The following FMN2 variants were observed in gnomAD, a reference collection of about 807,000 sequenced individuals.
FMN2 encodes formin-2.
A neutral mutation model predicts 142.3 loss-of-function variants in FMN2; 51 were observed. The ratio of observed to expected loss-of-function variants is 0.36; its 90% CI spans 0.29 to 0.45. The LOEUF (loss-of-function observed/expected upper bound fraction) is 0.45. Ranked by LOEUF, FMN2 falls within the 20% of genes least tolerant of loss-of-function variation. The probability of loss-of-function intolerance (pLI) is 1.00; values close to 1 mark genes in which losing one functional copy is unlikely to be tolerated. For synonymous variants in FMN2, 882 were observed against 869.8 expected (o/e 1.01, Z -0.25); for missense variants, 1,936 against 2,122.8 (o/e 0.91, Z 1.73).
intron 13 of FMN2, among the ~76,000 whole-genome samples, chr1:240,344,220 G>A (rs866046367): frequency 1.3e-5 from 2 of 152,186 alleles, no homozygotes; most frequent in Non-Finnish European, 2.9e-5. Flanking sequence ...GCTGGGAAGA[G>A]CTAAACAAAT....
chr1:240,149,916 C>T (rs1232072006), intron 2 of FMN2, among the ~76,000 whole-genome samples: 35 of 150,920 alleles, frequency 2.3e-4, no homozygotes. Flanking sequence ...GTTTTTTTTC[C>T]CCTGAGTACA....
At chr1:240,182,278 CTTGATCAT>C (rs1558342671) in intron 3 of FMN2, among the ~76,000 whole-genome samples, 1 of 152,098 alleles carries the variant, frequency 6.6e-6, no homozygotes, top group Non-Finnish European at 1.5e-5. Context: ...TGAATAGGGA[CTTGATCAT>C]TGTCGTTTCC....
rs758453264 is a variant in FMN2, at chr1:240,475,168, G to T, written c.*1014G>T. The T allele has an allele frequency of 3.3e-5, 5 of 152,412 alleles. No individual in the cohort carries two copies. Among genetic ancestry groups the T allele is most frequent in the Non-Finnish European group, 7.4e-5 (5 of 67,996 alleles). The allele number at this position is 152,412 out of a possible 1,614,324, so 9.4% of individuals were successfully genotyped here. On this transcript the variant is annotated 3_prime_UTR_variant, in exon 18 of 18. Transcript: ENST00000319653. ...TATGAAAATAAAATGAATAATAAAAGAATAAAGATACTTGCAAAAGACAGC... is the reference window on the plus strand; with the variant it reads ...TATGAAAATAAAATGAATAATAAAATAATAAAGATACTTGCAAAAGACAGC...
At chr1:240,415,112 A>C (rs1428639306) in intron 15 of FMN2, among the ~76,000 whole-genome samples, 1 of 152,194 alleles carries the variant, frequency 6.6e-6, no homozygotes, top group Non-Finnish European at 1.5e-5. Context: ...AAATATGTTG[A>C]ATAGCAAAGT....
chr1:240,143,453 C>T lies in FMN2; in HGVS notation c.1782+20108C>T, dbSNP rs149009200. ...ACTCCCTGATGTGCTCCCATGTCAG[C>T]AGGGGTTTCCTTTTTGTCCTTGTCC... is the stretch of plus-strand genomic sequence containing the variant. On this transcript the variant is annotated intron_variant, in intron 2 of 17. Transcript: ENST00000319653. 1.3e-3 allele frequency: 1,959 copies of T among 1,485,498 alleles called. 34 individuals are homozygous for T. The African/African-American group carries it at 0.024, about 18-fold the overall frequency. 92.0% of individuals were successfully genotyped at this position (1,485,498 alleles called of 1,614,324 possible). A position where few individuals can be genotyped will look rare whatever the true frequency, so the allele number is the denominator to read the frequency against.
intron 7 of FMN2, among the ~76,000 whole-genome samples, chr1:240,259,153 C>T (rs1240430720): frequency 6.6e-6 from 1 of 152,198 alleles, no homozygotes. Context: ...CCAAGGCTGG[C>T]GCCAGGCAGT....
At position 240,474,183 on chromosome 1, in the gene FMN2, A is replaced by G; in HGVS notation, c.*29A>G. The stretch of plus-strand genomic sequence containing the variant: ...ATGAAAAGCAGAATGAAAATGAGTC[A>G]TTGCAACGACTTTCACAAAATTCAG... On this transcript the variant is annotated 3_prime_UTR_variant, in exon 18 of 18. Coordinates refer to ENST00000319653, the MANE Select transcript of FMN2 (RefSeq NM_020066.5). 5 of 1,537,544 alleles carry G rather than the reference A, an allele frequency of 3.3e-6. No individual in the cohort carries two copies. Among genetic ancestry groups the G allele is most frequent in the Middle Eastern group, 1.7e-4 (1 of 5,838 alleles).
intron 2 of FMN2, chr1:240,143,073 C>T: frequency 1.9e-5 from 28 of 1,513,094 alleles, no homozygotes; most frequent in Non-Finnish European, 2.5e-5. Context: ...GGTAAGTGTA[C>T]CCTTCCCTAA....
At chr1:240,152,414 C>T (rs969064227) in intron 2 of FMN2, among the ~76,000 whole-genome samples, 2 of 152,130 alleles carry the variant, frequency 1.3e-5, no homozygotes, top group African/African-American at 4.8e-5. Context: ...ACTCTAATTC[C>T]TTCCTTTGGA....
intron 2 of FMN2, among the ~76,000 whole-genome samples, chr1:240,128,540 C>CATGTTTGT (rs1662603504): frequency 1.3e-5 from 2 of 152,132 alleles, no homozygotes; most frequent in Admixed American, 1.3e-4. Flanking sequence ...GGTTGCTGGA[C>CATGTTTGT]TTGTTTGGGT....
chr1:240,384,362 C>T (rs893511890), intron 14 of FMN2, among the ~76,000 whole-genome samples: 2 of 152,042 alleles, frequency 1.3e-5, no homozygotes, highest in African/African-American at 4.8e-5. Context: ...CACAGTTCAG[C>T]CTCTTTTGCT....
At chr1:240,113,244 C>T (rs948526832) in intron 1 of FMN2, among the ~76,000 whole-genome samples, 1 of 151,960 alleles carries the variant, frequency 6.6e-6, no homozygotes, top group Non-Finnish European at 1.5e-5. Context: ...GTTCCTGGCC[C>T]CAGCCAGCCA....
At position 240,299,566 on chromosome 1, in the gene FMN2, T is replaced by G. The variant is rs186991231; in HGVS notation, c.4215+4683T>G. Among the ~76,000 whole-genome samples, 259 of 152,314 alleles carry G rather than the reference T, an allele frequency of 1.7e-3. 1 individual carries two copies. Among genetic ancestry groups the G allele is most frequent in the Non-Finnish European group, 2.8e-3 (191 of 68,032 alleles). On this transcript the variant is annotated intron_variant, in intron 8 of 17. Coordinates refer to ENST00000319653, the MANE Select transcript of FMN2 (RefSeq NM_020066.5). ...AATAATCTGATCCCGTTATGTGTAA[T>G]TTTTCAAACAATGGTTTAAATTCAA...
At chr1:240,370,516 T>TG (rs1472199927) in intron 14 of FMN2, among the ~76,000 whole-genome samples, 1 of 152,202 alleles carries the variant, frequency 6.6e-6, no homozygotes, top group Non-Finnish European at 1.5e-5. Flanking sequence ...AATTCACATT[T>TG]GGTACTGTAC....
At chr1:240,222,245 G>T (rs1026932790) in intron 6 of FMN2, among the ~76,000 whole-genome samples, 1 of 152,020 alleles carries the variant, frequency 6.6e-6, no homozygotes, top group African/African-American at 2.4e-5. Flanking sequence ...ATTAAATAGG[G>T]ACTCCTTTCC....
intron 2 of FMN2, among the ~76,000 whole-genome samples, chr1:240,177,046 A>G (rs1487533293): frequency 6.6e-6 from 1 of 152,170 alleles, no homozygotes; most frequent in Non-Finnish European, 1.5e-5. Context: ...CTTCCACCAT[A>G]CTGTTCTTCT....
In FMN2 at chr1:240,093,700, G is replaced by A; in HGVS notation, c.1591G>A (p.Asp531Asn). 1 of 1,370,816 alleles carries A rather than the reference G, an allele frequency of 7.3e-7. No homozygotes were observed. Among genetic ancestry groups the A allele is most frequent in the Non-Finnish European group, 9.4e-7 (1 of 1,069,204 alleles). 84.9% of individuals were successfully genotyped at this position (1,370,816 alleles called of 1,614,324 possible). The change falls in exon 1 of 18, where the codon GAT becomes AAT. Residue 531 changes from aspartate (D) to asparagine (N), a missense_variant. Coordinates refer to ENST00000319653, the MANE Select transcript of FMN2 (RefSeq NM_020066.5). The stretch of plus-strand genomic sequence containing the variant: ...GGCGTCTGGGGCCCCCGCGGCTGCG[G>A]ATGGCTTCCAGAACGTGTTCACAGG... The part of the protein sequence containing the change: ...AKASGAPAAA[D>N]GFQNVFTGRT...
intron 1 of FMN2, among the ~76,000 whole-genome samples, chr1:240,097,209 T>C (rs988890013): frequency 3.9e-5 from 6 of 152,196 alleles, no homozygotes; most frequent in African/African-American, 1.4e-4. Flanking sequence ...AGGCACATCA[T>C]TGTTACATCT....
intron 13 of FMN2, among the ~76,000 whole-genome samples, chr1:240,337,730 T>TG (rs1671611987): frequency 6.6e-6 from 1 of 152,212 alleles, no homozygotes; most frequent in Non-Finnish European, 1.5e-5. Flanking sequence ...CTGTTTCTGC[T>TG]TAGAGACTTG....
Sources: gnomAD v4.1 joint callset for allele counts (sites outside exome capture counted in the v4.1 genomes callset) on GRCh38, gnomAD v4.1.1 for gene constraint, MANE v1.5 for transcripts, NCBI Gene and HGNC (gene_info 2026-07-23, HGNC 2026-07-21) for gene names.